The following MYO16 variants were observed in gnomAD, a reference collection of about 807,000 sequenced individuals.
MYO16 encodes unconventional myosin-XVI.
A neutral mutation model predicts 205.3 loss-of-function variants in MYO16; 94 were observed. That is an observed-to-expected ratio of 0.46 (90% CI 0.39 to 0.54). The LOEUF is 0.54. Ranked by LOEUF, MYO16 falls within the 20% of genes least tolerant of loss-of-function variation. The pLI is 0.00. For missense variants in MYO16, 2,315 were observed against 2,387.5 expected (o/e 0.97, Z 0.63); for synonymous variants, 988 against 954.0 (o/e 1.04, Z -0.66).
At chr13:108,845,556 G>A (rs1877476554) in intron 10 of MYO16, among the ~76,000 whole-genome samples, 1 of 152,062 alleles carries the variant, frequency 6.6e-6, no homozygotes, top group Admixed American at 6.6e-5. Context: ...GTAGGCTTAG[G>A]ATCCCACCCT....
At chr13:108,907,008 G>A (rs1881011925) in intron 15 of MYO16, among the ~76,000 whole-genome samples, 1 of 152,182 alleles carries the variant, frequency 6.6e-6, no homozygotes. Context: ...TTCGTTGATA[G>A]TATGTTTTTG....
At chr13:108,611,133 T>C (rs1336868872) in intron 1 of MYO16, among the ~76,000 whole-genome samples, 1 of 152,142 alleles carries the variant, frequency 6.6e-6, no homozygotes, top group Non-Finnish European at 1.5e-5. Flanking sequence ...ACTTCAAAGA[T>C]TTGAGTCCAC....
In MYO16 at chr13:109,206,816, C is replaced by T. The variant is rs1432767234; in HGVS notation, c.5623C>T (p.Leu1875Phe). The change falls in exon 35 of 35, where the codon CTC (leucine) becomes TTC (phenylalanine). Residue 1875 changes from leucine (L) to phenylalanine (F), a missense_variant. Coordinates refer to ENST00000457511, the MANE Select transcript of MYO16 (RefSeq NM_001198950.3). ...GASCNRLPSE[L>F]WDTTI ...CTCCTGCAACAGGCTGCCGTCTGAG[C>T]TCTGGGACACCACCATTTGATGTGG... is the stretch of plus-strand genomic sequence containing the variant. 2 of 1,614,062 alleles carry T rather than the reference C, an allele frequency of 1.2e-6. No homozygotes were observed. Among genetic ancestry groups the T allele is most frequent in the Non-Finnish European group, 1.7e-6 (2 of 1,179,960 alleles).
chr13:109,101,853 A>C (rs1034090775), intron 28 of MYO16: 1 of 152,212 alleles, frequency 6.6e-6, no homozygotes, highest in Non-Finnish European at 1.5e-5. Flanking sequence ...AAAATATATG[A>C]TAATTGATGA....
At chr13:108,807,191 A>T (rs918603345) in intron 7 of MYO16, among the ~76,000 whole-genome samples, 5 of 152,224 alleles carry the variant, frequency 3.3e-5, no homozygotes, top group African/African-American at 1.2e-4. Context: ...TTAGTTTTAC[A>T]CTATATGGAG....
chr13:108,698,090 C>T (rs4421863), intron 2 of MYO16, among the ~76,000 whole-genome samples: 71,705 of 151,862 alleles, frequency 0.47, 17,348 homozygotes, highest in East Asian at 0.65. Context: ...TGCATGTAAG[C>T]TATTATGGCA....
intron 32 of MYO16, among the ~76,000 whole-genome samples, chr13:109,148,968 A>C (rs1877495234): frequency 6.6e-6 from 1 of 152,196 alleles, no homozygotes; most frequent in Non-Finnish European, 1.5e-5. Context: ...TTCCTTTAGA[A>C]TATAGCCATG....
At chr13:108,553,892 G>C in the MYO16 span, among the ~76,000 whole-genome samples, 1 of 152,200 alleles carries the variant, frequency 6.6e-6, no homozygotes, top group South Asian at 2.1e-4. Context: ...CGATGCGAGT[G>C]CCCCAAGCGA....
intron 27 of MYO16, among the ~76,000 whole-genome samples, chr13:109,078,106 T>C (rs1888167542): frequency 6.6e-6 from 1 of 152,098 alleles, no homozygotes; most frequent in South Asian, 2.1e-4. Context: ...TTTTTGTTTC[T>C]AGAAGTTTAA....
intron 1 of MYO16, among the ~76,000 whole-genome samples, chr13:108,648,902 TTCTCTCTC>T (rs143168978): frequency 3.4e-5 from 5 of 149,140 alleles, no homozygotes; most frequent in Admixed American, 6.7e-5. Context: ...TCCATTCTAA[TTCTCTCTC>T]TCTCTCTCTC....
chr13:108,928,685 C>T (rs1331524106), intron 16 of MYO16, among the ~76,000 whole-genome samples: 1 of 151,922 alleles, frequency 6.6e-6, no homozygotes, highest in Non-Finnish European at 1.5e-5. Flanking sequence ...ACACCCAATA[C>T]TATAAAATAA....
intron 2 of MYO16, among the ~76,000 whole-genome samples, chr13:108,666,665 A>G (rs1881746570): frequency 1.3e-5 from 2 of 152,244 alleles, no homozygotes; most frequent in South Asian, 2.1e-4. Context: ...TCATGCTTTG[A>G]TAGATGCAGC....
At chr13:109,181,513 G>A (rs144909628) in intron 34 of MYO16, among the ~76,000 whole-genome samples, 4 of 152,312 alleles carry the variant, frequency 2.6e-5, no homozygotes, top group East Asian at 3.9e-4. Flanking sequence ...GCACGTAGCA[G>A]TAAAATTAAA....
intron 14 of MYO16, among the ~76,000 whole-genome samples, chr13:108,897,807 C>G (rs942772784): frequency 6.6e-6 from 1 of 152,060 alleles, no homozygotes; most frequent in African/African-American, 2.4e-5. Context: ...TCTATTATTG[C>G]TTCATGAACA....
At chr13:108,726,914 A>T (rs968705105) in intron 3 of MYO16, among the ~76,000 whole-genome samples, 1 of 151,826 alleles carries the variant, frequency 6.6e-6, no homozygotes, top group Admixed American at 6.6e-5. Context: ...TAACTCTTAC[A>T]ATATGACATG....
intron 34 of MYO16, among the ~76,000 whole-genome samples, chr13:109,184,125 G>A (rs773406104): frequency 2.6e-5 from 4 of 152,038 alleles, no homozygotes; most frequent in Non-Finnish European, 5.9e-5. Flanking sequence ...ATCATTAAAC[G>A]ATAATTCTAA....
Position 108,677,356 on chromosome 13 carries a change from C to CATAT in MYO16, c.292+11220_292+11223dup, listed in dbSNP as rs200135645. 3.7e-3 allele frequency among the ~76,000 whole-genome samples: 362 copies of CATAT among 98,516 alleles called. 2 individuals are homozygous for CATAT. The highest frequency in any genetic ancestry group is 0.023 in the South Asian group (80 of 3,500). 64.6% of individuals were successfully genotyped at this position (98,516 alleles called of 152,430 possible). The stretch of plus-strand genomic sequence containing the variant: ...GTGTGTATATATATATATATATATG[C>CATAT]ATATATATATATATATGCATATATA... On this transcript the variant is annotated intron_variant, in intron 2 of 34. Transcript: ENST00000457511.
At position 108,949,966 on chromosome 13, in the gene MYO16, T is replaced by C. The variant is rs778809051; in HGVS notation, c.1926-7722T>C. 6.6e-4 allele frequency among the ~76,000 whole-genome samples: 99 copies of C among 150,642 alleles called. 1 individual carries two copies. Among genetic ancestry groups the C allele is most frequent in the Non-Finnish European group, 4.7e-4 (32 of 67,880 alleles). On this transcript the variant is annotated intron_variant, in intron 16 of 34. Transcript: ENST00000457511. Reference sequence around the variant, plus strand: ...ACTTCAACAAAAGGTGCTGGACAACTGGGCATCCATAGGCAAAACAAGCAA... The same window carrying C: ...ACTTCAACAAAAGGTGCTGGACAACCGGGCATCCATAGGCAAAACAAGCAA...
chr13:108,521,920 C>G, the MYO16 span, among the ~76,000 whole-genome samples: 5 of 152,130 alleles, frequency 3.3e-5, no homozygotes, highest in East Asian at 5.8e-4. Flanking sequence ...ATAAATATGA[C>G]TTGAATTTAT....
Sources: allele counts gnomAD v4.1 joint callset (sites outside exome capture counted in the v4.1 genomes callset), GRCh38; gene constraint gnomAD v4.1.1; transcripts MANE v1.5; gene names NCBI Gene and HGNC (gene_info 2026-07-23, HGNC 2026-07-21).